CERS3: variants seen among roughly 807,000 people sequenced by gnomAD.
CERS3 encodes ceramide synthase 3, also known as LAG1 homolog, ceramide synthase 3.
A neutral mutation model predicts 50.3 loss-of-function variants in CERS3; 33 were observed. That is an observed-to-expected ratio of 0.66 (90% CI 0.50 to 0.88). The LOEUF (loss-of-function observed/expected upper bound fraction) is 0.88. Ranked by LOEUF, CERS3 falls within the 40% of genes least tolerant of loss-of-function variation. The probability of loss-of-function intolerance (pLI) is 0.00; values close to 1 mark genes in which losing one functional copy is unlikely to be tolerated. For synonymous variants in CERS3, 176 were observed against 155.2 expected (o/e 1.13, Z -0.99); for missense variants, 470 against 460.3 (o/e 1.02, Z -0.19).
chr15:100,523,700 C>CAA lies in CERS3; in HGVS notation c.-91-1946_-91-1945dup, dbSNP rs34875423. ...TGGGCAACAGAGCAAGACTCCATCTCAAAAAAAAAAAAAAAAAAAAGAAAT... is the reference window on the plus strand; with the variant it reads ...TGGGCAACAGAGCAAGACTCCATCTCAAAAAAAAAAAAAAAAAAAAAAGAAAT... On this transcript the variant is annotated intron_variant, in intron 1 of 11. Coordinates refer to ENST00000679737, the MANE Select transcript of CERS3 (RefSeq NM_001378789.1). Among the ~76,000 whole-genome samples, 416 of 51,326 alleles carry CAA rather than the reference C, an allele frequency of 8.1e-3. 5 individuals carry two copies. Among genetic ancestry groups the CAA allele is most frequent in the South Asian group, 0.049 (77 of 1,578 alleles). 33.7% of individuals were successfully genotyped at this position (51,326 alleles called of 152,430 possible). A position where few individuals can be genotyped will look rare whatever the true frequency, so the allele number is the denominator to read the frequency against.
chr15:100,473,300 C>A (rs973608064), intron 8 of CERS3, among the ~76,000 whole-genome samples: 1 of 152,144 alleles, frequency 6.6e-6, no homozygotes, highest in Non-Finnish European at 1.5e-5. Flanking sequence ...ACACTGCCCC[C>A]CAACACACAA....
rs530866728 is a variant in CERS3 at position 100,525,367 on chromosome 15, A to G, written c.-92+3446T>C. Among the ~76,000 whole-genome samples, 62 of 152,364 alleles carry G rather than the reference A, an allele frequency of 4.1e-4. 1 individual carries two copies. The highest frequency in any genetic ancestry group is 1.2e-3 in the South Asian group (6 of 4,832). On this transcript the variant is annotated intron_variant, in intron 1 of 11. Transcript: ENST00000679737. ...AATAACCAGAACCCTTTAATTTTATATTTAAGTAGCAGGAAGATACTCACA... is the reference window on the plus strand; with the variant it reads ...AATAACCAGAACCCTTTAATTTTATGTTTAAGTAGCAGGAAGATACTCACA...
chr15:100,485,942 A>T (rs1160426517), intron 4 of CERS3, among the ~76,000 whole-genome samples: 1 of 152,214 alleles, frequency 6.6e-6, no homozygotes, highest in African/African-American at 2.4e-5. Context: ...ATAAAATGGC[A>T]TAAAACTGAC....
chr15:100,489,076 C>CT (rs35425615), intron 4 of CERS3, among the ~76,000 whole-genome samples: 9 of 151,838 alleles, frequency 5.9e-5, no homozygotes, highest in South Asian at 4.1e-4. Context: ...CGCCCAGCCA[C>CT]TTTTTTTTTC....
At chr15:100,473,495 CTT>C (rs759426601) in intron 8 of CERS3, among the ~76,000 whole-genome samples, 7 of 152,152 alleles carry the variant, frequency 4.6e-5, no homozygotes, top group Non-Finnish European at 1.0e-4. Context: ...ATAATAAAGA[CTT>C]AAAGGTTTTC....
chr15:100,453,346 A>G (rs980756258), intron 11 of CERS3, among the ~76,000 whole-genome samples: 1 of 152,220 alleles, frequency 6.6e-6, no homozygotes. Flanking sequence ...TTGGTTCAAT[A>G]TAAACAAATA....
At chr15:100,426,321 T>A (rs2032809367) in intron 11 of CERS3, among the ~76,000 whole-genome samples, 1 of 152,230 alleles carries the variant, frequency 6.6e-6, no homozygotes, top group Admixed American at 6.5e-5. Flanking sequence ...CATACATCAA[T>A]ATGAATAGTC....
At chr15:100,494,403 A>C (rs1017093861) in intron 3 of CERS3, among the ~76,000 whole-genome samples, 1 of 151,344 alleles carries the variant, frequency 6.6e-6, no homozygotes, top group Non-Finnish European at 1.5e-5. Context: ...GCCTACCACC[A>C]CGCCCAGCTA....
chr15:100,436,588 T>C (rs1244610375), intron 11 of CERS3, among the ~76,000 whole-genome samples: 1 of 151,978 alleles, frequency 6.6e-6, no homozygotes, highest in Non-Finnish European at 1.5e-5. Context: ...TGTATACATA[T>C]ATAACAAACC....
chr15:100,457,943 T>C (rs1339702223), intron 10 of CERS3, among the ~76,000 whole-genome samples: 1 of 152,228 alleles, frequency 6.6e-6, no homozygotes, highest in African/African-American at 2.4e-5. Flanking sequence ...TTGATGTATA[T>C]AGTCTTTCAT....
intron 11 of CERS3, among the ~76,000 whole-genome samples, chr15:100,417,969 C>A (rs2032087881): frequency 6.6e-6 from 1 of 152,072 alleles, no homozygotes; most frequent in Non-Finnish European, 1.5e-5. Context: ...GATAAAACCA[C>A]AAAGATGGGG....
chr15:100,482,056 C>A (rs1196352574), intron 5 of CERS3, among the ~76,000 whole-genome samples: 1 of 152,166 alleles, frequency 6.6e-6, no homozygotes, highest in Non-Finnish European at 1.5e-5. Context: ...AGGTATAACA[C>A]ACACAAATGC....
chr15:100,430,180 G>A (rs149205249), intron 11 of CERS3, among the ~76,000 whole-genome samples: 4,501 of 151,778 alleles, frequency 0.03, 96 homozygotes, highest in Non-Finnish European at 0.05. Context: ...GTTGTGGTGG[G>A]GGGCGCCTGT....
At chr15:100,496,681 G>T (rs1254381784) in intron 3 of CERS3, among the ~76,000 whole-genome samples, 1 of 152,112 alleles carries the variant, frequency 6.6e-6, no homozygotes, top group Non-Finnish European at 1.5e-5. Flanking sequence ...CCTCAATAAA[G>T]CAGATATTTT....
chr15:100,542,772 C>T (rs914174830), intron 1 of CERS3, among the ~76,000 whole-genome samples: 1 of 151,740 alleles, frequency 6.6e-6, no homozygotes, highest in Non-Finnish European at 1.5e-5. Flanking sequence ...TACAAATACC[C>T]CTACAAATAT....
chr15:100,414,819 T>TAAAAA (rs143114640), intron 11 of CERS3, among the ~76,000 whole-genome samples: 65,661 of 140,510 alleles, frequency 0.47, 16,023 homozygotes, highest in Non-Finnish European at 0.57. Context: ...CCAAAATGAT[T>TAAAAA]AAAAAAAAAA....
chr15:100,513,544 T>TC (rs1555534310), intron 2 of CERS3, among the ~76,000 whole-genome samples: 3 of 70,444 alleles, frequency 4.3e-5, no homozygotes, highest in Non-Finnish European at 1.0e-4. Context: ...TCTTTTCTTT[T>TC]TTTTTTTTTT....
intron 11 of CERS3, among the ~76,000 whole-genome samples, chr15:100,433,300 G>A (rs533662062): frequency 1.3e-5 from 2 of 151,758 alleles, no homozygotes; most frequent in Non-Finnish European, 2.9e-5. Context: ...GACTTCTGGG[G>A]CTGAAGAACA....
At chr15:100,457,980 T>C (rs920623934) in intron 10 of CERS3, among the ~76,000 whole-genome samples, 3 of 151,480 alleles carry the variant, frequency 2.0e-5, no homozygotes, top group African/African-American at 7.3e-5. Flanking sequence ...TATGAAACTA[T>C]ATATTTCTAA....
Sources: gnomAD v4.1 joint callset for allele counts (sites outside exome capture counted in the v4.1 genomes callset) on GRCh38, gnomAD v4.1.1 for gene constraint, MANE v1.5 for transcripts, NCBI Gene and HGNC (gene_info 2026-07-23, HGNC 2026-07-21) for gene names.